The following EPHB1 variants were observed in gnomAD, a reference collection of about 807,000 sequenced individuals.
EPHB1 encodes EPH receptor B1.
Under a neutral mutation model 94.4 loss-of-function variants are expected in EPHB1, and 30 were observed. The observed-to-expected ratio is 0.32, with a 90% confidence interval of 0.24 to 0.43. EPHB1 has a LOEUF of 0.43. Ranked by LOEUF, EPHB1 falls within the 20% of genes least tolerant of loss-of-function variation. The pLI is 1.00. For synonymous variants in EPHB1, 522 were observed against 489.1 expected (o/e 1.07, Z -0.89); for missense variants, 1,055 against 1,308.3 (o/e 0.81, Z 2.99).
Position 134,814,142 on chromosome 3 carries a change from G to C in EPHB1, c.58+18453G>C, listed in dbSNP as rs572683037. Among the ~76,000 whole-genome samples, 118 of 152,290 alleles carry C rather than the reference G, an allele frequency of 7.7e-4. 1 individual carries two copies. The highest frequency in any genetic ancestry group is 2.8e-3 in the African/African-American group (115 of 41,562). ...ATGCCACCGTGGCAAGAAAACCAGG[G>C]ACTTGTGGCAAACAGAAGCAATGGA... On this transcript the variant is annotated intron_variant, in intron 1 of 15. Transcript: ENST00000398015.
chr3:134,902,422 G>A (rs2038221041), intron 1 of EPHB1, among the ~76,000 whole-genome samples: 1 of 152,178 alleles, frequency 6.6e-6, no homozygotes, highest in African/African-American at 2.4e-5. Flanking sequence ...CCAAGCATCA[G>A]TCCCAAGACT....
chr3:135,108,607 G>A (rs769742354), intron 4 of EPHB1, among the ~76,000 whole-genome samples: 4 of 152,180 alleles, frequency 2.6e-5, no homozygotes, highest in African/African-American at 4.8e-5. Flanking sequence ...GGCTGGTGTG[G>A]TCTCCAAATG....
At chr3:135,211,980 T>C (rs1448938117) in intron 12 of EPHB1, among the ~76,000 whole-genome samples, 1 of 152,204 alleles carries the variant, frequency 6.6e-6, no homozygotes, top group Non-Finnish European at 1.5e-5. Context: ...GGAGAAGTTT[T>C]GAAAATGTTC....
chr3:134,949,878 C>T (rs1708931467), intron 2 of EPHB1, among the ~76,000 whole-genome samples: 1 of 152,158 alleles, frequency 6.6e-6, no homozygotes, highest in Non-Finnish European at 1.5e-5. Context: ...GAAAGAATGA[C>T]CCAGCAACTC....
At chr3:134,820,532 AG>A (rs2036360594) in intron 1 of EPHB1, among the ~76,000 whole-genome samples, 2 of 152,234 alleles carry the variant, frequency 1.3e-5, no homozygotes, top group Admixed American at 1.3e-4. Flanking sequence ...TAGCCTCCAG[AG>A]GCTGGGCCCT....
intron 4 of EPHB1, among the ~76,000 whole-genome samples, chr3:135,128,471 C>T (rs1708358340): frequency 6.6e-6 from 1 of 152,206 alleles, no homozygotes; most frequent in African/African-American, 2.4e-5. Context: ...ATGCCCATCT[C>T]ATCAGGATGC....
At chr3:135,089,447 G>T (rs1938479091) in intron 3 of EPHB1, among the ~76,000 whole-genome samples, 1 of 152,226 alleles carries the variant, frequency 6.6e-6, no homozygotes, top group East Asian at 1.9e-4. Context: ...TAAAACAATT[G>T]TTATTAATAC....
chr3:134,910,833 G>A (rs1560292522), intron 1 of EPHB1, among the ~76,000 whole-genome samples: 1 of 152,154 alleles, frequency 6.6e-6, no homozygotes, highest in Non-Finnish European at 1.5e-5. Flanking sequence ...TCGGCCCTTG[G>A]TGGTCCATTG....
chr3:135,021,156 C>G (rs1935974534), intron 3 of EPHB1, among the ~76,000 whole-genome samples: 1 of 152,076 alleles, frequency 6.6e-6, no homozygotes, highest in South Asian at 2.1e-4. Context: ...AATTCCTTTG[C>G]CTATTCATTT....
chr3:135,095,607 C>G (rs940761997), intron 3 of EPHB1, among the ~76,000 whole-genome samples: 1 of 152,160 alleles, frequency 6.6e-6, no homozygotes, highest in African/African-American at 2.4e-5. Context: ...AGCCATGGGC[C>G]GAGTGGGTGA....
chr3:134,817,722 T>C (rs1022342299), intron 1 of EPHB1, among the ~76,000 whole-genome samples: 2 of 152,222 alleles, frequency 1.3e-5, no homozygotes. Context: ...AGAGCCCATG[T>C]ATGGGAAATG....
At chr3:135,082,180 C>T (rs748172972) in intron 3 of EPHB1, among the ~76,000 whole-genome samples, 8 of 152,064 alleles carry the variant, frequency 5.3e-5, no homozygotes, top group African/African-American at 7.2e-5. Flanking sequence ...TGCAGGGGCA[C>T]CACGGACAGA....
chr3:135,052,808 C>G (rs942952655), intron 3 of EPHB1, among the ~76,000 whole-genome samples: 1 of 119,138 alleles, frequency 8.4e-6, no homozygotes, highest in Non-Finnish European at 1.6e-5. Flanking sequence ...TTGCAGTGAG[C>G]CAAGATCATG....
intron 1 of EPHB1, among the ~76,000 whole-genome samples, chr3:134,805,306 G>A (rs1669916014): frequency 6.6e-6 from 1 of 152,194 alleles, no homozygotes; most frequent in South Asian, 2.1e-4. Context: ...AATGCAGGCT[G>A]TAAACTAGAT....
intron 3 of EPHB1, among the ~76,000 whole-genome samples, chr3:135,028,291 T>C (rs1417022865): frequency 6.9e-6 from 1 of 145,582 alleles, no homozygotes; most frequent in Admixed American, 6.8e-5. Flanking sequence ...TGCTCTTGCT[T>C]TTCTAGTTCT....
At chr3:134,890,486 T>C (rs539140529) in intron 1 of EPHB1, among the ~76,000 whole-genome samples, 1 of 152,376 alleles carries the variant, frequency 6.6e-6, no homozygotes, top group African/African-American at 2.4e-5. Context: ...CACTCTTGCA[T>C]GTACCTCCTT....
At chr3:134,809,695 A>C (rs573537716) in intron 1 of EPHB1, among the ~76,000 whole-genome samples, 1 of 152,304 alleles carries the variant, frequency 6.6e-6, no homozygotes, top group South Asian at 2.1e-4. Flanking sequence ...AAGCACATTT[A>C]CTAACAGCAT....
chr3:135,045,756 A>G (rs1418981843), intron 3 of EPHB1, among the ~76,000 whole-genome samples: 1 of 152,192 alleles, frequency 6.6e-6, no homozygotes, highest in Admixed American at 6.5e-5. Flanking sequence ...ATTATTTCCC[A>G]ATGTATGATG....
chr3:134,999,308 A>G (rs1935098508), intron 3 of EPHB1, among the ~76,000 whole-genome samples: 1 of 152,242 alleles, frequency 6.6e-6, no homozygotes, highest in African/African-American at 2.4e-5. Context: ...GATCAGCTTC[A>G]TATCTTAAGG....
Sources: gnomAD v4.1 joint callset for allele counts (sites outside exome capture counted in the v4.1 genomes callset) on GRCh38, gnomAD v4.1.1 for gene constraint, MANE v1.5 for transcripts, NCBI Gene and HGNC (gene_info 2026-07-23, HGNC 2026-07-21) for gene names.